Variants in EDIL3 observed in about 807,000 individuals in gnomAD.
The protein encoded by EDIL3 is EGF-like repeat and discoidin I-like domain-containing protein 3.
A neutral mutation model predicts 67.4 loss-of-function variants in EDIL3; 37 were observed. The observed-to-expected ratio is 0.55, with a 90% CI of 0.42 to 0.72. The LOEUF (loss-of-function observed/expected upper bound fraction) is 0.72, where lower values mean the gene tolerates loss of function less well. Among genes scored for constraint, EDIL3 ranks in the 30% least tolerant of loss-of-function variants. The pLI, the probability that EDIL3 is intolerant of heterozygous loss-of-function variation, is 0.00. For missense variants in EDIL3, 527 were observed against 586.3 expected, an observed-to-expected ratio of 0.90 and a Z score of 1.04; for synonymous variants, 195 against 196.3, an observed-to-expected ratio of 0.99 and a Z score of 0.05.
chr5:84,272,085 C>A (rs1029554885), intron 1 of EDIL3, among the ~76,000 whole-genome samples: 1 of 152,116 alleles, frequency 6.6e-6, no homozygotes, highest in Non-Finnish European at 1.5e-5. Context: ...GCAATAACAA[C>A]GCTCACACTT....
At chr5:84,132,374 T>TTTATATA (rs1561440559) in intron 5 of EDIL3, among the ~76,000 whole-genome samples, 1 of 46,448 alleles carries the variant, frequency 2.2e-5, no homozygotes, top group African/African-American at 8.3e-5. Flanking sequence ...TTATATATAT[T>TTTATATA]ATATATAATA....
At chr5:84,205,577 C>T (rs1378112428) in intron 3 of EDIL3, among the ~76,000 whole-genome samples, 2 of 152,048 alleles carry the variant, frequency 1.3e-5, no homozygotes, top group East Asian at 3.9e-4. Context: ...TTGATTATTG[C>T]CACAATTTCA....
intron 5 of EDIL3, 77 bp downstream of exon 5, chr5:84,137,162 CAT>C: frequency 4.2e-6 from 4 of 958,500 alleles, no homozygotes; most frequent in Middle Eastern, 2.2e-4. Flanking sequence ...TATATGCATA[CAT>C]ATATGTGTGT....
At chr5:84,230,120 T>C (rs1313942847) in intron 2 of EDIL3, among the ~76,000 whole-genome samples, 3 of 152,322 alleles carry the variant, frequency 2.0e-5, no homozygotes, top group Non-Finnish European at 4.4e-5. Flanking sequence ...TGTGCTCCTA[T>C]ACTTTAAAAT....
At chr5:84,303,828 G>C (rs968860460) in intron 1 of EDIL3, among the ~76,000 whole-genome samples, 490 of 147,254 alleles carry the variant, frequency 3.3e-3, no homozygotes, top group African/African-American at 0.011. Flanking sequence ...GTGTGTGTGT[G>C]TGTGTGTGTG....
At chr5:84,045,658 G>C (rs1263611991) in intron 9 of EDIL3, among the ~76,000 whole-genome samples, 3 of 152,050 alleles carry the variant, frequency 2.0e-5, no homozygotes, top group African/African-American at 7.2e-5. Flanking sequence ...TACAGAAAAG[G>C]CTTTGTCTAG....
intron 8 of EDIL3, among the ~76,000 whole-genome samples, chr5:84,062,808 G>A (rs1248535622): frequency 1.3e-5 from 2 of 152,016 alleles, no homozygotes; most frequent in African/African-American, 4.8e-5. Flanking sequence ...AGGTGTTACA[G>A]CTAACCTCTC....
chr5:83,982,623 T>A (rs1744988782), intron 9 of EDIL3, among the ~76,000 whole-genome samples: 1 of 152,148 alleles, frequency 6.6e-6, no homozygotes, highest in Non-Finnish European at 1.5e-5. Context: ...GACTTCTTTT[T>A]ATATCTCTAG....
intron 9 of EDIL3, among the ~76,000 whole-genome samples, chr5:84,040,143 G>T (rs901717993): frequency 2.6e-5 from 4 of 152,100 alleles, no homozygotes; most frequent in Admixed American, 6.6e-5. Context: ...AACCCAGAAG[G>T]TCCTGTTATA....
At chr5:84,341,432 C>T (rs1294674575) in intron 1 of EDIL3, among the ~76,000 whole-genome samples, 1 of 151,992 alleles carries the variant, frequency 6.6e-6, no homozygotes, top group Non-Finnish European at 1.5e-5. Context: ...TTACAAGAAT[C>T]AAAACAGAGC....
intron 2 of EDIL3, among the ~76,000 whole-genome samples, chr5:84,249,265 T>G (rs1483801629): frequency 6.6e-6 from 1 of 152,224 alleles, no homozygotes; most frequent in African/African-American, 2.4e-5. Flanking sequence ...TATGTCTAGA[T>G]GTTACTTTTT....
chr5:84,101,113 C>G (rs923618712), intron 6 of EDIL3, among the ~76,000 whole-genome samples: 1 of 152,008 alleles, frequency 6.6e-6, no homozygotes, highest in African/African-American at 2.4e-5. Context: ...TACATATCCT[C>G]CAATGGTAAT....
chr5:83,985,403 G>C (rs897422377), intron 9 of EDIL3, among the ~76,000 whole-genome samples: 2 of 151,898 alleles, frequency 1.3e-5, no homozygotes, highest in African/African-American at 4.8e-5. Flanking sequence ...CTTTGCTCTT[G>C]CTTATAAATA....
At chr5:83,981,746 C>T (rs954283196) in intron 9 of EDIL3, among the ~76,000 whole-genome samples, 10 of 151,882 alleles carry the variant, frequency 6.6e-5, no homozygotes, top group Admixed American at 6.6e-5. Flanking sequence ...AATCAAATAT[C>T]TTTATTTTTA....
intron 1 of EDIL3, among the ~76,000 whole-genome samples, chr5:84,270,014 A>T (rs1386482625): frequency 6.6e-6 from 1 of 152,182 alleles, no homozygotes; most frequent in African/African-American, 2.4e-5. Flanking sequence ...CTAAAGTTGG[A>T]GTAAGCGAGA....
chr5:84,059,315 A>G (rs1027488716), intron 9 of EDIL3, among the ~76,000 whole-genome samples: 2 of 152,092 alleles, frequency 1.3e-5, no homozygotes, highest in African/African-American at 4.8e-5. Context: ...AGGCAGGAGG[A>G]CTGCTGGAGC....
chr5:84,048,682 G>A (rs1302813514), intron 9 of EDIL3, among the ~76,000 whole-genome samples: 3 of 151,874 alleles, frequency 2.0e-5, no homozygotes, highest in African/African-American at 7.2e-5. Flanking sequence ...AAAACGTTTA[G>A]TAGATTTAAT....
At chr5:83,955,774 GA>G (rs1177454253) in intron 10 of EDIL3, among the ~76,000 whole-genome samples, 4 of 151,724 alleles carry the variant, frequency 2.6e-5, no homozygotes, top group Non-Finnish European at 4.4e-5. Context: ...ATTGTTGTTA[GA>G]CAGCTTTCTG....
chr5:84,023,675 C>T (rs527817389), intron 9 of EDIL3, among the ~76,000 whole-genome samples: 3 of 152,102 alleles, frequency 2.0e-5, no homozygotes, highest in Admixed American at 2.0e-4. Flanking sequence ...ACTCAGATTG[C>T]ATTGAAATTT....
Sources: gnomAD v4.1 joint callset for allele counts (sites outside exome capture counted in the v4.1 genomes callset) on GRCh38, gnomAD v4.1.1 for gene constraint, MANE v1.5 for transcripts, NCBI Gene and HGNC (gene_info 2026-07-23, HGNC 2026-07-21) for gene names.